The following RARS1 variants were observed in gnomAD, a reference collection of about 807,000 sequenced individuals.
The protein encoded by RARS1 is arginine--tRNA ligase, cytoplasmic.
RARS1 carries 75 observed loss-of-function variants against 78.7 expected under a neutral mutation model. That is an observed-to-expected ratio of 0.95 (90% CI 0.79 to 1.15). The LOEUF (loss-of-function observed/expected upper bound fraction) is 1.15. RARS1 is among the 50% of genes most tolerant of loss of function. The probability of loss-of-function intolerance (pLI) is 0.00; values close to 1 mark genes in which losing one functional copy is unlikely to be tolerated. For synonymous variants in RARS1, 273 were observed against 268.2 expected, an observed-to-expected ratio of 1.02 and a Z score of -0.18; for missense variants, 787 against 787.5, an observed-to-expected ratio of 1.00 and a Z score of 0.01.
At chr5:168,503,499 T>G (rs1307181166) in intron 9 of RARS1, among the ~76,000 whole-genome samples, 3 of 152,220 alleles carry the variant, frequency 2.0e-5, no homozygotes, top group African/African-American at 7.2e-5. Context: ...GGGCTTTTAA[T>G]GTGTTTTATA....
intron 12 of RARS1, among the ~76,000 whole-genome samples, chr5:168,515,281 T>C (rs1031954539): frequency 2.6e-5 from 4 of 152,172 alleles, no homozygotes; most frequent in African/African-American, 4.8e-5. Flanking sequence ...TTCTTTGTAG[T>C]CCCCCTCCTT....
At chr5:168,500,824 G>C in intron 8 of RARS1, 104 bp downstream of exon 8, 2 of 1,355,998 alleles carry the variant, frequency 1.5e-6, no homozygotes. Context: ...ACCTTCTAAG[G>C]ACAGGCAAAT....
In RARS1 at chr5:168,516,881, C is replaced by A. The variant is rs1758676785; in HGVS notation, c.1556C>A (p.Ser519Tyr). 29 of 1,614,148 alleles carry A rather than the reference C, an allele frequency of 1.8e-5. No individual in the cohort carries two copies. The highest frequency in any genetic ancestry group is 2.2e-5 in the Non-Finnish European group (26 of 1,180,000). Reference protein sequence around the residue: ...SHNRLNDYIFSFDKMLDDRGN... With the variant: ...SHNRLNDYIFYFDKMLDDRGN... ...AACCGGTTGAATGACTACATCTTCT[C>A]CTTTGACAAAATGCTAGATGACAGA... The change falls in exon 13 of 15, where the codon TCC becomes TAC. Residue 519 changes from serine to tyrosine, a missense_variant. Ser to Tyr is a moderately radical substitution (Grantham distance 144). Transcript: ENST00000231572.
chr5:168,505,309 C>A (rs1758413482), intron 9 of RARS1, among the ~76,000 whole-genome samples: 1 of 152,148 alleles, frequency 6.6e-6, no homozygotes, highest in Admixed American at 6.5e-5. Flanking sequence ...TTATCATGTT[C>A]TTCCTGTACC....
chr5:168,490,240 C>A (rs898346150), intron 2 of RARS1, among the ~76,000 whole-genome samples: 6 of 152,192 alleles, frequency 3.9e-5, no homozygotes, highest in African/African-American at 1.2e-4. Context: ...CCAAAAGAAT[C>A]TCACCTTTCT....
chr5:168,506,969 A>G, intron 11 of RARS1, 138 bp downstream of exon 11: 1 of 675,148 alleles, frequency 1.5e-6, no homozygotes, highest in South Asian at 2.0e-5. Context: ...AACCCAGCTG[A>G]GTGATTTTGT....
intron 1 of RARS1, 42 bp downstream of exon 1, chr5:168,486,585 G>A: frequency 1.3e-6 from 2 of 1,549,072 alleles, no homozygotes; most frequent in East Asian, 2.4e-5. Flanking sequence ...GAAAGAGATG[G>A]AGCAGGCTCT....
chr5:168,508,858 C>T (rs147857613), intron 11 of RARS1, among the ~76,000 whole-genome samples: 227 of 151,592 alleles, frequency 1.5e-3, no homozygotes, highest in Non-Finnish European at 2.7e-3. Flanking sequence ...TGCAGGTACA[C>T]GGAACATGAG....
At chr5:168,490,961 A>G (rs1758069703) in intron 2 of RARS1, among the ~76,000 whole-genome samples, 1 of 151,778 alleles carries the variant, frequency 6.6e-6, no homozygotes, top group Non-Finnish European at 1.5e-5. Context: ...ACATGGCAAA[A>G]CCCTGTCTCT....
At chr5:168,515,571 T>TA (rs1294458411) in intron 12 of RARS1, among the ~76,000 whole-genome samples, 1 of 152,264 alleles carries the variant, frequency 6.6e-6, no homozygotes. Flanking sequence ...CAGAGACCGT[T>TA]ATGTTTTCTT....
At position 168,497,310 on chromosome 5, in the gene RARS1, G is replaced by T; in HGVS notation, c.784G>T (p.Val262Phe). 1 of 1,590,580 alleles carries T rather than the reference G, an allele frequency of 6.3e-7. No homozygotes were observed. The highest frequency in any genetic ancestry group is 2.3e-5 in the East Asian group (1 of 44,150). Residue 262 changes from valine (V) to phenylalanine (F), a missense_variant, in exon 7 of 15, where the codon GTT becomes TTT. By Grantham distance (50) the Val-to-Phe change is conservative (BLOSUM62 -1). Coordinates refer to ENST00000231572, the MANE Select transcript of RARS1 (RefSeq NM_002887.4). ...LQDKFPDYLT[V>F]SPPIGDLQVF... ...AGACAAATTTCCAGATTATCTAACA[G>T]TTTCACCTCCTATTGGGGATCTTCA...
Position 168,506,775 on chromosome 5 carries a change from C to G in RARS1, c.1290C>G (p.Asp430Glu). 6.2e-7 allele frequency: 1 copy of G among 1,613,830 alleles called. No individual in the cohort carries two copies. The highest frequency in any genetic ancestry group is 8.5e-7 in the Non-Finnish European group (1 of 1,179,876). ...FAAAQMIGWY[D>E]PKVTRVFHAG... The stretch of plus-strand genomic sequence containing the variant: ...CTGCTCAAATGATTGGTTGGTATGA[C>G]CCTAAAGTAACTCGAGTCTTCCATG... Residue 430 changes from aspartate (D) to glutamate (E), a missense_variant, in exon 11 of 15, where the codon GAC becomes GAG. By Grantham distance (45) the Asp-to-Glu change is conservative. Coordinates refer to ENST00000231572, the MANE Select transcript of RARS1 (RefSeq NM_002887.4).
chr5:168,512,290 G>T (rs760668601), intron 12 of RARS1, among the ~76,000 whole-genome samples: 1 of 152,148 alleles, frequency 6.6e-6, no homozygotes, highest in South Asian at 2.1e-4. Flanking sequence ...TTTGAACATT[G>T]TTGTTCAAGC....
In RARS1 at chr5:168,510,646, A is replaced by G; in HGVS notation, c.1412A>G (p.Lys471Arg). The change falls in exon 12 of 15, where the codon AAA becomes AGA. Residue 471 changes from lysine (K) to arginine (R), a missense_variant. Coordinates refer to ENST00000231572, the MANE Select transcript of RARS1 (RefSeq NM_002887.4). ...ATGGATCTTCTGGGAGAAGGACTAA[A>G]ACGATCCATGGACAAGTTGAAGGAA... ...RLMDLLGEGL[K>R]RSMDKLKEKE... The G allele has an allele frequency of 6.2e-7, 1 of 1,611,498 alleles. No homozygotes were observed. The highest frequency in any genetic ancestry group is 8.5e-7 in the Non-Finnish European group (1 of 1,179,332).
intron 7 of RARS1, among the ~76,000 whole-genome samples, 179 bp from the exon 8 acceptor site, chr5:168,500,412 A>G (rs903552535): frequency 6.6e-6 from 1 of 152,140 alleles, no homozygotes; most frequent in African/African-American, 2.4e-5. Flanking sequence ...AAATGATTTC[A>G]AAGTTCTTTG....
chr5:168,509,453 C>A (rs1427387579), intron 11 of RARS1, among the ~76,000 whole-genome samples: 2 of 104,692 alleles, frequency 1.9e-5, no homozygotes, highest in Non-Finnish European at 3.8e-5. Context: ...CCCCCCCCCA[C>A]CAAAAAAAGG....
At chr5:168,498,200 C>T (rs1758239149) in intron 7 of RARS1, among the ~76,000 whole-genome samples, 1 of 151,792 alleles carries the variant, frequency 6.6e-6, no homozygotes, top group Non-Finnish European at 1.5e-5. Flanking sequence ...CACTGCGCTC[C>T]AGCCTGGGTG....
Position 168,502,084 on chromosome 5 carries a change from G to T in RARS1, c.1036G>T (p.Val346Leu). 6.2e-7 allele frequency: 1 copy of T among 1,602,738 alleles called. No homozygotes were observed. The highest frequency in any genetic ancestry group is 8.5e-7 in the Non-Finnish European group (1 of 1,174,952). ...CTATCAAGATAGGATGAATGATATT[G>T]TAAAGGAATTTGAAGATAGAGGTAG... is the stretch of plus-strand genomic sequence containing the variant. ...SFYQDRMNDI[V>L]KEFEDRGFVQ... Residue 346 changes from valine (V) to leucine (L), a missense_variant, in exon 9 of 15, where the codon GTA (valine) becomes TTA (leucine). Coordinates refer to ENST00000231572, the MANE Select transcript of RARS1 (RefSeq NM_002887.4).
intron 11 of RARS1, among the ~76,000 whole-genome samples, chr5:168,509,618 C>T (rs990591408): frequency 4.6e-5 from 7 of 151,570 alleles, no homozygotes; most frequent in South Asian, 2.1e-4. Flanking sequence ...TAGATCTGAA[C>T]GGGGCCCTAG....
Sources: gnomAD v4.1 joint callset for allele counts (sites outside exome capture counted in the v4.1 genomes callset) on GRCh38, gnomAD v4.1.1 for gene constraint, MANE v1.5 for transcripts, NCBI Gene and HGNC (gene_info 2026-07-23, HGNC 2026-07-21) for gene names.